Variants in CSF1R observed in about 807,000 individuals in gnomAD.
CSF1R encodes macrophage colony-stimulating factor 1 receptor.
A neutral mutation model predicts 110.0 loss-of-function variants in CSF1R; 40 were observed. That is an observed-to-expected ratio of 0.36 (90% CI 0.28 to 0.47). The LOEUF is 0.47. Ranked by LOEUF, CSF1R falls within the 20% of genes least tolerant of loss-of-function variation. The pLI is 0.99. For synonymous variants in CSF1R, 523 were observed against 503.4 expected (o/e 1.04, Z -0.52); for missense variants, 1,052 against 1,253.0 (o/e 0.84, Z 2.42).
At chr5:150,083,312 C>T (rs1042235533) in intron 1 of CSF1R, among the ~76,000 whole-genome samples, 2 of 149,822 alleles carry the variant, frequency 1.3e-5, no homozygotes, top group Non-Finnish European at 3.0e-5. Context: ...TCCCTCATCA[C>T]TTCCAGAATG....
intron 1 of CSF1R, among the ~76,000 whole-genome samples, chr5:150,109,089 A>T (rs550490995): frequency 7.3e-6 from 1 of 136,314 alleles, no homozygotes; most frequent in Admixed American, 8.0e-5. Flanking sequence ...AAATTCCAGG[A>T]GCCACATTCT....
At chr5:150,083,643 C>T (rs760181235) in intron 1 of CSF1R, among the ~76,000 whole-genome samples, 1 of 151,994 alleles carries the variant, frequency 6.6e-6, no homozygotes, top group Non-Finnish European at 1.5e-5. Flanking sequence ...ACACCATGCC[C>T]CTGTGAAGGG....
chr5:150,067,808 C>G (rs1757838759), intron 10 of CSF1R, among the ~76,000 whole-genome samples: 5 of 152,190 alleles, frequency 3.3e-5, no homozygotes, highest in Admixed American at 1.3e-4. Flanking sequence ...AATGCCATTC[C>G]TCTCCTCATA....
At chr5:150,065,757 G>A (rs1757741810) in intron 10 of CSF1R, among the ~76,000 whole-genome samples, 3 of 152,234 alleles carry the variant, frequency 2.0e-5, no homozygotes, top group Non-Finnish European at 2.9e-5. Context: ...TCTTCTCGCA[G>A]CCTTGCATGG....
chr5:150,080,654 A>G, intron 2 of CSF1R, 113 bp downstream of exon 2: 1 of 1,359,208 alleles, frequency 7.4e-7, no homozygotes, highest in South Asian at 1.4e-5. Flanking sequence ...GTCCTTGCTC[A>G]TAGCCAGCAC....
chr5:150,086,813 A>G (rs1758866411), upstream of CSF1R, among the ~76,000 whole-genome samples: 1 of 152,206 alleles, frequency 6.6e-6, no homozygotes, highest in South Asian at 2.1e-4. Flanking sequence ...GTTAGTCAGT[A>G]GCACAAATGA....
chr5:150,070,950 A>G (rs531576711), intron 6 of CSF1R, among the ~76,000 whole-genome samples: 1 of 152,330 alleles, frequency 6.6e-6, no homozygotes, highest in South Asian at 2.1e-4. Flanking sequence ...GGACTGAGAA[A>G]GAGACAAGAG....
intron 1 of CSF1R, among the ~76,000 whole-genome samples, chr5:150,100,242 T>TG (rs1161894657): frequency 7.1e-6 from 1 of 140,374 alleles, no homozygotes; most frequent in African/African-American, 2.7e-5. Context: ...CCAGTGGGGA[T>TG]GGGGGAGGGA....
intron 5 of CSF1R, among the ~76,000 whole-genome samples, chr5:150,074,904 T>A (rs1310381522): frequency 1.3e-5 from 2 of 152,118 alleles, no homozygotes; most frequent in East Asian, 1.9e-4. Context: ...CACACCATAG[T>A]CATTCCAACC....
rs754585466 is a variant in CSF1R at position 150,086,362 on chromosome 5, C to G, written c.49+17G>C. On this transcript the variant is annotated intron_variant, in intron 1 of 20. Coordinates refer to ENST00000675795, the MANE Select transcript of CSF1R (RefSeq NM_001288705.3). Reference sequence around the variant, plus strand: ...TCACACCCCAACAAAGTCCCCCACCCCCCGTTCTGCTCTTACCATGCCAAG... The same window carrying G: ...TCACACCCCAACAAAGTCCCCCACCGCCCGTTCTGCTCTTACCATGCCAAG... 2.6e-5 allele frequency: 42 copies of G among 1,597,686 alleles called. No individual in the cohort carries two copies. The East Asian group carries it at 9.3e-4, about 35-fold the overall frequency.
At position 150,055,173 on chromosome 5, in the gene CSF1R, CT is replaced by C. The variant is rs1757146740; in HGVS notation, c.2654+63del. 7 of 1,435,160 alleles carry C rather than the reference CT, an allele frequency of 4.9e-6. No homozygotes were observed. In the Admixed American group the frequency reaches 1.0e-4, roughly 21 times the overall value. The allele number at this position is 1,435,160 out of a possible 1,614,324, so 88.9% of individuals were successfully genotyped here. ...CAGGGAAAGATCAGGGCCACACGGC[CT>C]TCCATCCCTTTCCAGCGAAAGCCTG... On this transcript the variant is annotated intron_variant, in intron 19 of 20. Coordinates refer to ENST00000675795, the MANE Select transcript of CSF1R (RefSeq NM_001288705.3).
intron 1 of CSF1R, among the ~76,000 whole-genome samples, chr5:150,092,729 C>G (rs1759086989): frequency 6.6e-6 from 1 of 152,148 alleles, no homozygotes; most frequent in Non-Finnish European, 1.5e-5. Context: ...TCAATTATCT[C>G]CACCTGGCCC....
rs1273847910 is a variant in CSF1R, at chr5:150,070,497, G to A, written c.1157C>T (p.Pro386Leu). The A allele has an allele frequency of 1.9e-6, 3 of 1,558,266 alleles. No homozygotes were observed. Among genetic ancestry groups the A allele is most frequent in the East Asian group, 4.8e-5 (2 of 41,894 alleles). ...AAACGTCAGAGCTCTCCAGCCTCCT[G>A]GGTTTCTGGCCAGGAAGGAGTAGCG... ...AGRYSFLARN[P>L]GGWRALTFEL... The change falls in exon 7 of 21, where the codon CCA (proline) becomes CTA (leucine). Residue 386 changes from proline (P) to leucine (L), a missense_variant. Physicochemically the swap from Pro to Leu is moderately conservative, Grantham distance 98. Transcript: ENST00000675795.
intron 1 of CSF1R, among the ~76,000 whole-genome samples, chr5:150,083,912 C>T (rs1454562042): frequency 6.6e-6 from 1 of 152,222 alleles, no homozygotes; most frequent in Non-Finnish European, 1.5e-5. Flanking sequence ...CCCTTTTCCC[C>T]TCCAGCCCAC....
At chr5:150,095,872 A>T (rs1252345361) in intron 1 of CSF1R, among the ~76,000 whole-genome samples, 4 of 152,170 alleles carry the variant, frequency 2.6e-5, no homozygotes, top group African/African-American at 9.6e-5. Context: ...GAATACTATG[A>T]ACTACTCTAT....
At chr5:150,069,367 G>T (rs1757928242) in intron 9 of CSF1R, among the ~76,000 whole-genome samples, 1 of 152,290 alleles carries the variant, frequency 6.6e-6, no homozygotes, top group Middle Eastern at 3.4e-3. Context: ...TCATCCCCCG[G>T]GGCAGCCTCT....
At position 150,054,118 on chromosome 5, in the gene CSF1R, C is replaced by T; in HGVS notation, c.2870G>A (p.Gly957Glu). 6.2e-7 allele frequency: 1 copy of T among 1,614,050 alleles called. No individual in the cohort carries two copies. The highest frequency in any genetic ancestry group is 8.5e-7 in the Non-Finnish European group (1 of 1,180,000). Reference protein sequence around the residue: ...SSEHLTCCEQGDIAQPLLQPN... With the variant: ...SSEHLTCCEQEDIAQPLLQPN... ...CTGCAGCAAGGGCTGGGCGATATCC[C>T]CTTGCTCGCAGCAGGTCAGGTGCTC... Residue 957 changes from glycine to glutamate, a missense_variant, in exon 21 of 21, where the codon GGG becomes GAG. Transcript: ENST00000675795.
At chr5:150,074,305 GTTTTTT>G (rs35475636) in intron 5 of CSF1R, among the ~76,000 whole-genome samples, 5 of 126,868 alleles carry the variant, frequency 3.9e-5, no homozygotes, top group African/African-American at 1.2e-4. Flanking sequence ...GTCCTGACTA[GTTTTTT>G]TTTTTTTTTT....
chr5:150,111,550 C>G (rs186854241), intron 1 of CSF1R, among the ~76,000 whole-genome samples: 1 of 152,334 alleles, frequency 6.6e-6, no homozygotes, highest in East Asian at 1.9e-4. Flanking sequence ...CCTATCCTTT[C>G]TCTTGGGGAA....
Sources: gnomAD v4.1 joint callset for allele counts (sites outside exome capture counted in the v4.1 genomes callset) on GRCh38, gnomAD v4.1.1 for gene constraint, MANE v1.5 for transcripts, NCBI Gene and HGNC (gene_info 2026-07-23, HGNC 2026-07-21) for gene names.